Variants in KCNC4 observed in about 807,000 individuals in gnomAD.
KCNC4 encodes voltage-gated potassium channel KCNC4.
A neutral mutation model predicts 42.8 loss-of-function variants in KCNC4; 23 were observed. That is an observed-to-expected ratio of 0.54 (90% CI 0.39 to 0.76). The LOEUF (loss-of-function observed/expected upper bound fraction) is 0.76. Ranked by LOEUF, KCNC4 falls within the 30% of genes least tolerant of loss-of-function variation. The pLI, the probability that KCNC4 is intolerant of heterozygous loss-of-function variation, is 0.00. For synonymous variants in KCNC4, 422 were observed against 393.5 expected, an observed-to-expected ratio of 1.07 and a Z score of -0.86; for missense variants, 751 against 898.2, an observed-to-expected ratio of 0.84 and a Z score of 2.10.
At chr1:110,269,254 A>C (rs1659600108) in intron 1 of KCNC4, among the ~76,000 whole-genome samples, 1 of 152,192 alleles carries the variant, frequency 6.6e-6, no homozygotes, top group Non-Finnish European at 1.5e-5. Context: ...TCAGTTGAGT[A>C]ACCACCACCA....
exon 4 of KCNC4, chr1:110,244,111 A>G (rs1415912443): frequency 6.6e-6 from 1 of 152,186 alleles, no homozygotes; most frequent in Non-Finnish European, 1.5e-5. Context: ...CTAACTGTGG[A>G]TGCCACCGGC....
downstream of KCNC4, chr1:110,234,483 G>A (rs11578913): frequency 0.26 from 38,994 of 152,242 alleles, 6,037 homozygotes; most frequent in Non-Finnish European, 0.35. Context: ...AGAGACTGGT[G>A]GCACAACTGG....
chr1:110,212,979 C>T (rs528154744), intron 1 of KCNC4, among the ~76,000 whole-genome samples: 7 of 152,122 alleles, frequency 4.6e-5, no homozygotes, highest in African/African-American at 1.2e-4. Flanking sequence ...CTTTCTGCTG[C>T]AGCACAAACT....
chr1:110,211,380 G>T lies in KCNC4; in HGVS notation c.-120G>T, dbSNP rs529393270. 17 of 1,417,460 alleles carry T rather than the reference G, an allele frequency of 1.2e-5. No individual in the cohort carries two copies. In the African/African-American group the frequency reaches 1.9e-4, roughly 16 times the overall value. The allele number at this position is 1,417,460 out of a possible 1,614,324, so 87.8% of individuals were successfully genotyped here. A position where few individuals can be genotyped will look rare whatever the true frequency, so the allele number is the denominator to read the frequency against. On this transcript the variant is annotated 5_prime_UTR_variant, in exon 1 of 4. Coordinates refer to ENST00000438661, the MANE Select transcript of KCNC4 (RefSeq NM_001039574.3). This position sits in a 1 kb window ranked among gnomAD's most constrained non-coding sequence, Gnocchi z 6.5. ...GGGGCAAGCCCAAGCCGCAGAGGGG[G>T]CCGCCACCGCCTCCTGCCTCCTCTT... is the stretch of plus-strand genomic sequence containing the variant.
downstream of KCNC4, among the ~76,000 whole-genome samples, chr1:110,251,992 C>T (rs28502029): frequency 0.32 from 48,257 of 152,010 alleles, 8,026 homozygotes; most frequent in Non-Finnish European, 0.37. Flanking sequence ...TGATGGTGAG[C>T]GCTCCAGCTG....
At chr1:110,249,268 C>T (rs186190416), downstream of KCNC4, 51 of 152,338 alleles carry the variant, frequency 3.3e-4, no homozygotes, top group African/African-American at 1.2e-3. Context: ...AAAATTCTTT[C>T]GGTCCTGCAT....
chr1:110,234,411 T>G (rs1299539779), downstream of KCNC4: 2 of 152,196 alleles, frequency 1.3e-5, no homozygotes, highest in African/African-American at 4.8e-5. Context: ...CAGTTCTAAA[T>G]GGGCCAAGAC....
chr1:110,229,637 T>C (rs1658595200), intron 3 of KCNC4, among the ~76,000 whole-genome samples: 1 of 152,196 alleles, frequency 6.6e-6, no homozygotes, highest in South Asian at 2.1e-4. Flanking sequence ...ATTTCTATAA[T>C]TAAGTGTATT....
At chr1:110,278,599 C>A (rs890668362) in intron 1 of KCNC4, among the ~76,000 whole-genome samples, 1 of 152,158 alleles carries the variant, frequency 6.6e-6, no homozygotes, top group African/African-American at 2.4e-5. Flanking sequence ...GTATTAAAAA[C>A]CCACGTGAAC....
intron 1 of KCNC4, chr1:110,220,065 C>T (rs1658007389): frequency 6.6e-6 from 1 of 152,206 alleles, no homozygotes; most frequent in African/African-American, 2.4e-5. Context: ...TTATACCTAC[C>T]TGCTCGGTCA....
intron 1 of KCNC4, among the ~76,000 whole-genome samples, chr1:110,218,039 T>G (rs1041074583): frequency 6.6e-6 from 1 of 152,126 alleles, no homozygotes; most frequent in Non-Finnish European, 1.5e-5. Context: ...TCTCCTACAC[T>G]TCATCCTTAA....
chr1:110,232,791 C>A (rs1028425929), intron 3 of KCNC4, 120 bp from the exon 4 acceptor site: 3 of 1,542,750 alleles, frequency 1.9e-6, no homozygotes, highest in Non-Finnish European at 2.6e-6. Flanking sequence ...TTCCTTCTAA[C>A]GTCTCATTCT....
At position 110,232,969 on chromosome 1, in the gene KCNC4, TTAAA is replaced by T. The variant is rs1385944286; in HGVS notation, c.1879_*1del. On this transcript the variant is annotated stop_lost and 3_prime_UTR_variant, in exon 4 of 4. Coordinates refer to ENST00000438661, the MANE Select transcript of KCNC4 (RefSeq NM_001039574.3). Reference sequence around the variant, plus strand: ...CCCAGGCTGAAGTCCTCACCCTCTCTTAAAGCGGCACCAACGTGAGAGAGACAGG... The same window carrying T: ...CCCAGGCTGAAGTCCTCACCCTCTCTGCGGCACCAACGTGAGAGAGACAGG... 1.2e-6 allele frequency: 2 copies of T among 1,610,524 alleles called. No individual in the cohort carries two copies. The highest frequency in any genetic ancestry group is 1.7e-6 in the Non-Finnish European group (2 of 1,178,646).
intron 1 of KCNC4, among the ~76,000 whole-genome samples, chr1:110,217,910 C>G (rs907938470): frequency 6.6e-6 from 1 of 152,170 alleles, no homozygotes; most frequent in African/African-American, 2.4e-5. Context: ...CCACTGTCTT[C>G]CAGCACTGCC....
chr1:110,266,285 C>CTG, intron 1 of KCNC4, among the ~76,000 whole-genome samples: 1 of 152,188 alleles, frequency 6.6e-6, no homozygotes, highest in Non-Finnish European at 1.5e-5. Context: ...TTGAAACATT[C>CTG]ATAGCCGCAA....
At chr1:110,214,866 C>T (rs988065093) in intron 1 of KCNC4, among the ~76,000 whole-genome samples, 4 of 152,190 alleles carry the variant, frequency 2.6e-5, no homozygotes, top group South Asian at 2.1e-4. Context: ...ACTGTATTAC[C>T]CCTCCAGGCC....
chr1:110,227,897 A>G (rs1658486014), intron 3 of KCNC4, among the ~76,000 whole-genome samples: 1 of 152,168 alleles, frequency 6.6e-6, no homozygotes. Flanking sequence ...GAGAGCCAGC[A>G]TCTCACCATC....
chr1:110,243,655 G>A (rs1238625791), exon 4 of KCNC4: 1 of 153,168 alleles, frequency 6.5e-6, no homozygotes, highest in Admixed American at 6.5e-5. Context: ...GAGTGGCAGA[G>A]AGAGGAGCAG....
At chr1:110,253,859 G>A (rs1340420216), downstream of KCNC4, among the ~76,000 whole-genome samples, 2 of 152,148 alleles carry the variant, frequency 1.3e-5, no homozygotes, top group Admixed American at 1.3e-4. Context: ...ACCTGGCTAG[G>A]CTGAAGTCCT....
Sources: gnomAD v4.1 joint callset for allele counts (sites outside exome capture counted in the v4.1 genomes callset) on GRCh38, gnomAD v4.1.1 for gene constraint, Gnocchi (gnomAD v3.1) non-coding constraint, MANE v1.5 for transcripts, NCBI Gene and HGNC (gene_info 2026-07-23, HGNC 2026-07-21) for gene names.